The following COPS7B variants were observed in gnomAD, a reference collection of about 807,000 sequenced individuals.
The protein encoded by COPS7B is COP9 signalosome complex subunit 7b.
COPS7B carries 9 observed loss-of-function variants against 33.4 expected under a neutral mutation model. The ratio of observed to expected loss-of-function variants is 0.27; its 90% CI spans 0.16 to 0.47. The LOEUF is 0.47. Among genes scored for constraint, COPS7B ranks in the 20% least tolerant of loss-of-function variants. The probability of loss-of-function intolerance (pLI) is 0.99; values close to 1 mark genes in which losing one functional copy is unlikely to be tolerated. For synonymous variants in COPS7B, 119 were observed against 126.3 expected (o/e 0.94, Z 0.39); for missense variants, 242 against 318.2 (o/e 0.76, Z 1.82).
chr2:231,787,843 G>A (rs561439735), intron 1 of COPS7B, among the ~76,000 whole-genome samples: 2 of 152,254 alleles, frequency 1.3e-5, no homozygotes, highest in Non-Finnish European at 1.5e-5. Context: ...GTAACTGATT[G>A]CTTTTGCTTA....
In COPS7B at chr2:231,786,500, G is replaced by A. The variant is rs1348847476; in HGVS notation, c.-55G>A. 6.1e-6 allele frequency: 6 copies of A among 985,844 alleles called. No individual in the cohort carries two copies. The highest frequency in any genetic ancestry group is 6.0e-6 in the Non-Finnish European group (5 of 830,100). 61.1% of individuals were successfully genotyped at this position (985,844 alleles called of 1,614,324 possible). The stretch of plus-strand genomic sequence containing the variant: ...ACCTGCGGGCAGGCGCCGGGAGGCC[G>A]AGCCAGCGACTAAGAGGACCGAGAG... On this transcript the variant is annotated 5_prime_UTR_variant, in exon 1 of 7. Transcript: ENST00000350033.
upstream of COPS7B, among the ~76,000 whole-genome samples, chr2:231,782,948 T>A (rs1422370524): frequency 1.3e-5 from 2 of 152,204 alleles, no homozygotes; most frequent in African/African-American, 2.4e-5. Flanking sequence ...TAGTGCTCCC[T>A]CCCAATCAGT....
chr2:231,804,889 A>G (rs560408605), intron 6 of COPS7B, among the ~76,000 whole-genome samples: 1 of 152,338 alleles, frequency 6.6e-6, no homozygotes, highest in East Asian at 1.9e-4. Flanking sequence ...TAAATAAACT[A>G]AAGTCATGTC....
At chr2:231,789,243 A>G (rs1383793221) in intron 2 of COPS7B, 5 of 152,830 alleles carry the variant, frequency 3.3e-5, no homozygotes, top group South Asian at 2.0e-4. Context: ...AGTTCATTTT[A>G]CTTGTTTGCT....
At chr2:231,802,002 G>A (rs1413791904) in intron 6 of COPS7B, among the ~76,000 whole-genome samples, 1 of 151,938 alleles carries the variant, frequency 6.6e-6, no homozygotes, top group African/African-American at 2.4e-5. Context: ...CTCCACCTCC[G>A]GACCTCAAGT....
intron 6 of COPS7B, among the ~76,000 whole-genome samples, 158 bp downstream of exon 6, chr2:231,799,122 A>T (rs1252842573): frequency 6.6e-6 from 1 of 152,220 alleles, no homozygotes; most frequent in Non-Finnish European, 1.5e-5. Flanking sequence ...GATGAGTGTG[A>T]CACGGCTCCT....
intron 4 of COPS7B, among the ~76,000 whole-genome samples, chr2:231,794,898 G>A (rs1051552379): frequency 6.6e-6 from 1 of 151,042 alleles, no homozygotes; most frequent in Non-Finnish European, 1.5e-5. Flanking sequence ...GATTACAGGC[G>A]TGGACCACCC....
chr2:231,790,985 G>T (rs1423942432), intron 2 of COPS7B: 2 of 154,016 alleles, frequency 1.3e-5, no homozygotes, highest in Admixed American at 1.3e-4. Context: ...TGATCCACCC[G>T]CCTCGGCCTC....
rs757961880 is a variant in COPS7B, at chr2:231,794,356, G to A, written c.327+5G>A. 7 of 1,610,038 alleles carry A rather than the reference G, an allele frequency of 4.3e-6. No individual in the cohort carries two copies. Among genetic ancestry groups the A allele is most frequent in the African/African-American group, 4.0e-5 (3 of 74,826 alleles). On this transcript the variant is annotated splice_donor_5th_base_variant and intron_variant, in intron 4 of 6. Coordinates refer to ENST00000350033, the MANE Select transcript of COPS7B (RefSeq NM_022730.4). ...AGCTTGGCATCAAGAATGAAGGTAC[G>A]GTACTGAGCCTTCTCTTGTCTTCCT...
intron 6 of COPS7B, among the ~76,000 whole-genome samples, chr2:231,799,993 A>G (rs969873726): frequency 6.6e-6 from 1 of 152,228 alleles, no homozygotes; most frequent in African/African-American, 2.4e-5. Flanking sequence ...TATTTCTGGC[A>G]CACCATAAAA....
rs755296086 is a variant in COPS7B at position 231,794,328 on chromosome 2, G to A, written c.304G>A (p.Val102Met). Residue 102 changes from valine to methionine, a missense_variant, in exon 4 of 7, where the codon GTG becomes ATG. Coordinates refer to ENST00000350033, the MANE Select transcript of COPS7B (RefSeq NM_022730.4). ...QQNKLKHLTI[V>M]SLASRMKCIP... Reference sequence around the variant, plus strand: ...GAACAAGCTGAAGCATCTTACCATCGTGAGCTTGGCATCAAGAATGAAGGT... The same window carrying A: ...GAACAAGCTGAAGCATCTTACCATCATGAGCTTGGCATCAAGAATGAAGGT... 30 of 1,613,848 alleles carry A rather than the reference G, an allele frequency of 1.9e-5. No homozygotes were observed. The highest frequency in any genetic ancestry group is 2.2e-5 in the Non-Finnish European group (26 of 1,179,922).
rs115559259 is a variant in COPS7B at position 231,793,190 on chromosome 2, C to A, written c.239-1073C>A. On this transcript the variant is annotated intron_variant, in intron 3 of 6. Coordinates refer to ENST00000350033, the MANE Select transcript of COPS7B (RefSeq NM_022730.4). Reference sequence around the variant, plus strand: ...CCCATTATTCCTTACCTACACTCCTCGAAGTTAGATGTTTCAGAATTTAGA... The same window carrying A: ...CCCATTATTCCTTACCTACACTCCTAGAAGTTAGATGTTTCAGAATTTAGA... Among the ~76,000 whole-genome samples, 996 of 152,190 alleles carry A rather than the reference C, an allele frequency of 6.5e-3. 18 individuals are homozygous for A. Among genetic ancestry groups the A allele is most frequent in the African/African-American group, 0.023 (943 of 41,520 alleles).
intron 5 of COPS7B, among the ~76,000 whole-genome samples, chr2:231,798,251 C>CTTCTTT (rs1488168496): frequency 3.6e-4 from 51 of 140,256 alleles, no homozygotes; most frequent in African/African-American, 1.3e-3. Context: ...TCTATTCTAC[C>CTTCTTT]TTCTTTTTTT....
At position 231,807,647 on chromosome 2, in the gene COPS7B, G is replaced by C. The variant is rs761606637; in HGVS notation, c.*2G>C. 5.2e-6 allele frequency: 8 copies of C among 1,549,250 alleles called. No homozygotes were observed. Among genetic ancestry groups the C allele is most frequent in the Admixed American group, 2.0e-5 (1 of 49,960 alleles). ...GGTCTGGTCTCCAGCCGCCACTAGG[G>C]CCGGCTGGGGCAGCTGGCACTCACC... is the stretch of plus-strand genomic sequence containing the variant. On this transcript the variant is annotated 3_prime_UTR_variant, in exon 7 of 7. Coordinates refer to ENST00000350033, the MANE Select transcript of COPS7B (RefSeq NM_022730.4).
At chr2:231,791,487 C>T (rs559165741) in intron 2 of COPS7B, 47 of 498,476 alleles carry the variant, frequency 9.4e-5, no homozygotes, top group South Asian at 8.2e-4. Flanking sequence ...AAAAGCAGTT[C>T]GTTGGGCATG....
intron 6 of COPS7B, among the ~76,000 whole-genome samples, chr2:231,803,679 G>A (rs2049811946): frequency 6.6e-6 from 1 of 152,198 alleles, no homozygotes; most frequent in South Asian, 2.1e-4. Context: ...CACCATGAGA[G>A]AGGGAGGCTG....
At chr2:231,806,426 G>C (rs1202722413) in intron 6 of COPS7B, among the ~76,000 whole-genome samples, 1 of 151,866 alleles carries the variant, frequency 6.6e-6, no homozygotes, top group Non-Finnish European at 1.5e-5. Context: ...GGTGGCAAGC[G>C]CCTGTGGTCC....
At position 231,808,616 on chromosome 2, in the gene COPS7B, GAA is replaced by G. The variant is rs959090013; in HGVS notation, c.*975_*976del. On this transcript the variant is annotated 3_prime_UTR_variant, in exon 7 of 7. Coordinates refer to ENST00000350033, the MANE Select transcript of COPS7B (RefSeq NM_022730.4). The stretch of plus-strand genomic sequence containing the variant: ...TGATGATGGCATTCTCCTGGCAAGA[GAA>G]AAAGACTTAACTAGACTTCTGAACT... The G allele has an allele frequency of 2.3e-6, 1 of 442,754 alleles. No homozygotes were observed. Among genetic ancestry groups the G allele is most frequent in the African/African-American group, 2.1e-5 (1 of 47,992 alleles). 27.4% of individuals were successfully genotyped at this position (442,754 alleles called of 1,614,324 possible). A position where few individuals can be genotyped will look rare whatever the true frequency, so the allele number is the denominator to read the frequency against.
At chr2:231,799,052 G>A in intron 6 of COPS7B, 88 bp downstream of exon 6, 2 of 1,220,594 alleles carry the variant, frequency 1.6e-6, no homozygotes, top group Non-Finnish European at 2.3e-6. Context: ...TGCGAATCTT[G>A]GTGTAGATGA....
Sources: gnomAD v4.1 joint callset for allele counts (sites outside exome capture counted in the v4.1 genomes callset) on GRCh38, gnomAD v4.1.1 for gene constraint, MANE v1.5 for transcripts, NCBI Gene and HGNC (gene_info 2026-07-23, HGNC 2026-07-21) for gene names.